PTPRT: variants seen among roughly 807,000 people sequenced by gnomAD.
PTPRT encodes receptor-type tyrosine-protein phosphatase T.
PTPRT carries 56 observed loss-of-function variants against 176.8 expected under a neutral mutation model. The ratio of observed to expected loss-of-function variants is 0.32; its 90% CI spans 0.26 to 0.40. The LOEUF is 0.40. Among genes scored for constraint, PTPRT ranks in the 10% least tolerant of loss-of-function variants. PTPRT has a pLI of 1.00. For synonymous variants in PTPRT, 783 were observed against 739.0 expected (o/e 1.06, Z -0.96); for missense variants, 1,540 against 1,908.2 (o/e 0.81, Z 3.60).
At chr20:42,696,461 T>TTA (rs1331301412) in intron 6 of PTPRT, among the ~76,000 whole-genome samples, 46 of 121,822 alleles carry the variant, frequency 3.8e-4, no homozygotes, top group African/African-American at 9.2e-4. Flanking sequence ...ATGAATTATT[T>TTA]TTTTTTTTTT....
At chr20:42,763,669 A>G (rs1314628753) in intron 5 of PTPRT, among the ~76,000 whole-genome samples, 1 of 152,198 alleles carries the variant, frequency 6.6e-6, no homozygotes, top group Non-Finnish European at 1.5e-5. Flanking sequence ...AACTTGCTAA[A>G]ATCTAGCCCA....
chr20:42,866,807 C>T (rs2078754170), intron 2 of PTPRT, among the ~76,000 whole-genome samples: 1 of 152,186 alleles, frequency 6.6e-6, no homozygotes, highest in African/African-American at 2.4e-5. Context: ...TAAAATCACA[C>T]TGCCACTTCT....
chr20:42,766,508 G>A (rs1007913124), intron 5 of PTPRT, among the ~76,000 whole-genome samples: 4 of 152,144 alleles, frequency 2.6e-5, no homozygotes, highest in Non-Finnish European at 5.9e-5. Context: ...AGCCAGCACC[G>A]GCAGATGGGA....
intron 26 of PTPRT, among the ~76,000 whole-genome samples, chr20:42,101,424 G>T (rs150835085): frequency 1.1e-3 from 161 of 152,278 alleles, no homozygotes; most frequent in African/African-American, 3.7e-3. Context: ...GAGGGGAAGT[G>T]ATGATAATCA....
chr20:42,154,544 C>T (rs1162199707), intron 17 of PTPRT, among the ~76,000 whole-genome samples: 1 of 152,192 alleles, frequency 6.6e-6, no homozygotes, highest in East Asian at 1.9e-4. Flanking sequence ...CACAGCTGTT[C>T]CTTGTTGCTT....
At chr20:42,148,325 C>T (rs1455896424) in intron 17 of PTPRT, among the ~76,000 whole-genome samples, 2 of 145,708 alleles carry the variant, frequency 1.4e-5, no homozygotes, top group Non-Finnish European at 3.0e-5. Context: ...CCCTGGAGAG[C>T]TGCGCCGTGG....
At chr20:42,818,421 C>T (rs1016881116) in intron 2 of PTPRT, among the ~76,000 whole-genome samples, 6 of 151,922 alleles carry the variant, frequency 3.9e-5, no homozygotes, top group East Asian at 1.9e-4. Flanking sequence ...AACAAACTCA[C>T]GAATATGAGA....
At chr20:42,192,272 G>T (rs983340377) in intron 16 of PTPRT, among the ~76,000 whole-genome samples, 2 of 152,086 alleles carry the variant, frequency 1.3e-5, no homozygotes, top group South Asian at 2.1e-4. Flanking sequence ...TTCCTGAAAG[G>T]GTTAAGGAAT....
At chr20:42,282,688 C>T (rs2057160609) in intron 12 of PTPRT, among the ~76,000 whole-genome samples, 163 bp from the exon 13 acceptor site, 1 of 151,786 alleles carries the variant, frequency 6.6e-6, no homozygotes, top group Admixed American at 6.6e-5. Flanking sequence ...ATCGGATGAC[C>T]TTTTAATTCC....
rs114393920 is a variant in PTPRT, at chr20:43,085,458, G to T, written c.88+104188C>A. Among the ~76,000 whole-genome samples the T allele has an allele frequency of 3.1e-3, 471 of 152,290 alleles. 4 individuals carry two copies. The highest frequency in any genetic ancestry group is 0.011 in the African/African-American group (439 of 41,566). On this transcript the variant is annotated intron_variant, in intron 1 of 30. Coordinates refer to ENST00000373187, the MANE Select transcript of PTPRT (RefSeq NM_007050.6). Reference sequence around the variant, plus strand: ...AGTATTATCTGAGCCCCAACTATGTGAAAAGCATTGTATTAGTCTGTTCTC... The same window carrying T: ...AGTATTATCTGAGCCCCAACTATGTTAAAAGCATTGTATTAGTCTGTTCTC...
At chr20:42,230,002 C>G (rs2056101653) in intron 15 of PTPRT, among the ~76,000 whole-genome samples, 1 of 152,196 alleles carries the variant, frequency 6.6e-6, no homozygotes. Flanking sequence ...TGGAGAATAC[C>G]CTAATGAGCA....
chr20:42,261,971 T>C (rs1041634750), intron 13 of PTPRT, among the ~76,000 whole-genome samples: 2 of 152,008 alleles, frequency 1.3e-5, no homozygotes, highest in Non-Finnish European at 2.9e-5. Flanking sequence ...AAGCAGGCAA[T>C]CTATAGGAAG....
chr20:42,672,391 A>C (rs892965826), intron 7 of PTPRT, among the ~76,000 whole-genome samples: 4 of 152,140 alleles, frequency 2.6e-5, no homozygotes, highest in African/African-American at 9.7e-5. Context: ...TCCTTTCTCC[A>C]CAGTTTGTAG....
At chr20:42,566,809 G>A (rs968864334) in intron 7 of PTPRT, among the ~76,000 whole-genome samples, 13 of 152,268 alleles carry the variant, frequency 8.5e-5, no homozygotes, top group African/African-American at 1.4e-4. Context: ...AAACACAACT[G>A]ATTAAACCTC....
intron 3 of PTPRT, among the ~76,000 whole-genome samples, chr20:42,784,261 T>C (rs1248855963): frequency 6.6e-6 from 1 of 152,216 alleles, no homozygotes; most frequent in Non-Finnish European, 1.5e-5. Context: ...TGTCAGGCCA[T>C]GGTTTAACAG....
intron 7 of PTPRT, among the ~76,000 whole-genome samples, chr20:42,550,645 G>A (rs983752273): frequency 1.3e-5 from 2 of 152,066 alleles, no homozygotes; most frequent in South Asian, 4.1e-4. Flanking sequence ...TCCTGGCACA[G>A]ACATTTATTG....
intron 7 of PTPRT, among the ~76,000 whole-genome samples, chr20:42,549,165 G>A (rs763861808): frequency 2.0e-5 from 3 of 152,218 alleles, no homozygotes; most frequent in East Asian, 1.9e-4. Context: ...AGGCAGTAGC[G>A]GTGATTTGGA....
At chr20:42,559,271 C>A (rs961186777) in intron 7 of PTPRT, among the ~76,000 whole-genome samples, 1 of 152,218 alleles carries the variant, frequency 6.6e-6, no homozygotes, top group South Asian at 2.1e-4. Context: ...AATCTGCAAA[C>A]CACCCTGGAA....
intron 7 of PTPRT, among the ~76,000 whole-genome samples, chr20:42,501,374 TTAA>T (rs1234575519): frequency 1.3e-5 from 2 of 152,176 alleles, no homozygotes; most frequent in Non-Finnish European, 2.9e-5. Flanking sequence ...TTGTTTCAAG[TTAA>T]TAAACATTAG....
Sources: gnomAD v4.1 joint callset for allele counts (sites outside exome capture counted in the v4.1 genomes callset) on GRCh38, gnomAD v4.1.1 for gene constraint, MANE v1.5 for transcripts, NCBI Gene and HGNC (gene_info 2026-07-23, HGNC 2026-07-21) for gene names.